OTOR: variants seen among roughly 807,000 people sequenced by gnomAD.
The protein encoded by OTOR is fibrocyte-derived protein.
In OTOR, 20 loss-of-function variants were observed where a neutral mutation model predicts 15.9. The ratio of observed to expected loss-of-function variants is 1.26; its 90% CI spans 0.89 to 1.83. The LOEUF is 1.83. OTOR is among the 40% of genes most tolerant of loss of function. The probability of loss-of-function intolerance (pLI) is 0.00; values close to 1 mark genes in which losing one functional copy is unlikely to be tolerated. For missense variants in OTOR, 184 were observed against 159.0 expected, an observed-to-expected ratio of 1.16 and a Z score of -0.85; for synonymous variants, 53 against 54.2, an observed-to-expected ratio of 0.98 and a Z score of 0.09.
chr20:16,749,917 C>T lies in OTOR; in HGVS notation c.270C>T (p.Gly90=), dbSNP rs1170799179. 6 of 1,612,182 alleles carry T rather than the reference C, an allele frequency of 3.7e-6. No homozygotes were observed. The highest frequency in any genetic ancestry group is 5.1e-6 in the Non-Finnish European group (6 of 1,178,430). Residue 90 remains glycine, a synonymous_variant, in exon 3 of 4, where the codon GGC becomes GGT. Coordinates refer to ENST00000246081, the MANE Select transcript of OTOR (RefSeq NM_020157.4). Reference sequence around the variant, plus strand: ...TGGGCACTTAGGTTTATGGTGATGGCCAGGACGAGATGGGAGTCGTGGGTT... The same window carrying T: ...TGGGCACTTAGGTTTATGGTGATGGTCAGGACGAGATGGGAGTCGTGGGTT... The part of the protein sequence containing the change: ...EFWAGSVYGD[G]QDEMGVVGYF...
At chr20:16,748,667 C>T (rs2072508012) in intron 1 of OTOR, 151 bp downstream of exon 1, 1 of 697,850 alleles carries the variant, frequency 1.4e-6, no homozygotes, top group Non-Finnish European at 2.4e-6. Context: ...TGTTTGGTAT[C>T]TTACTACGGA....
At position 16,748,904 on chromosome 20, in the gene OTOR, T is replaced by C. The variant is rs377519748; in HGVS notation, c.153T>C (p.Asn51=). ...TGGCTAGTGCTCAAGAAGATTATAA[T>C]GCCCCGGACTGTAGATTCATTAACG... The part of the protein sequence containing the change: ...ISLASAQEDY[N]APDCRFINVK... The change falls in exon 2 of 4, where the codon AAT becomes AAC. Residue 51 remains asparagine (N), a synonymous_variant. Transcript: ENST00000246081. 1.8e-5 allele frequency: 29 copies of C among 1,603,086 alleles called. No homozygotes were observed. Among genetic ancestry groups the C allele is most frequent in the Non-Finnish European group, 2.4e-5 (28 of 1,176,200 alleles).
chr20:16,750,174 T>C (rs1159511135), intron 3 of OTOR, among the ~76,000 whole-genome samples, 164 bp downstream of exon 3: 1 of 152,236 alleles, frequency 6.6e-6, no homozygotes, highest in Non-Finnish European at 1.5e-5. Context: ...TTATAACTAC[T>C]GTCAAAGTTG....
chr20:16,751,964 C>T lies in OTOR; in HGVS notation c.*846C>T, dbSNP rs2072531236. On this transcript the variant is annotated 3_prime_UTR_variant, in exon 4 of 4. Coordinates refer to ENST00000246081, the MANE Select transcript of OTOR (RefSeq NM_020157.4). ...CTATTTCAACTTTGAATTTCCTCTT[C>T]CTGTGCAAATTCCTCTAGTCAAGTG... 6.6e-6 allele frequency: 1 copy of T among 151,954 alleles called. No individual in the cohort carries two copies. Among genetic ancestry groups the T allele is most frequent in the African/African-American group, 2.4e-5 (1 of 41,404 alleles). The allele number at this position is 151,954 out of a possible 1,614,324, so 9.4% of individuals were successfully genotyped here. A position where few individuals can be genotyped will look rare whatever the true frequency, so the allele number is the denominator to read the frequency against.
Position 16,748,925 on chromosome 20 carries a change from T to C in OTOR, c.174T>C (p.Ile58=), listed in dbSNP as rs1223391150. 6.2e-7 allele frequency: 1 copy of C among 1,611,854 alleles called. No homozygotes were observed. Among genetic ancestry groups the C allele is most frequent in the Middle Eastern group, 1.7e-4 (1 of 6,052 alleles). Residue 58 remains isoleucine, a synonymous_variant, in exon 2 of 4, where the codon ATT becomes ATC. Coordinates refer to ENST00000246081, the MANE Select transcript of OTOR (RefSeq NM_020157.4). Reference sequence around the variant, plus strand: ...ATAATGCCCCGGACTGTAGATTCATTAACGTTAAAAAAGGGCAGCAGATCT... The same window carrying C: ...ATAATGCCCCGGACTGTAGATTCATCAACGTTAAAAAAGGGCAGCAGATCT... ...EDYNAPDCRF[I]NVKKGQQIYV... is the part of the protein sequence containing the mutation.
chr20:16,749,774 T>A, intron 2 of OTOR, 129 bp from the exon 3 acceptor site: 1 of 654,586 alleles, frequency 1.5e-6, no homozygotes, highest in South Asian at 1.9e-5. Flanking sequence ...CAGCGCCCCC[T>A]GGACCCCGGA....
At position 16,751,269 on chromosome 20, in the gene OTOR, A is replaced by G; in HGVS notation, c.*151A>G. The G allele has an allele frequency of 1.7e-6, 1 of 577,890 alleles. No individual in the cohort carries two copies. The highest frequency in any genetic ancestry group is 3.1e-5 in the East Asian group (1 of 31,798). 35.8% of individuals were successfully genotyped at this position (577,890 alleles called of 1,614,324 possible). On this transcript the variant is annotated 3_prime_UTR_variant, in exon 4 of 4. Transcript: ENST00000246081. Reference sequence around the variant, plus strand: ...CAAGGGCTTAGGGGTTGGAGGTGGCAGATAAAAGAGGATTTTCAACTCAAA... The same window carrying G: ...CAAGGGCTTAGGGGTTGGAGGTGGCGGATAAAAGAGGATTTTCAACTCAAA...
rs1313060772 is a variant in OTOR, at chr20:16,749,811, AT to A, written c.256-90del. 4 of 846,614 alleles carry A rather than the reference AT, an allele frequency of 4.7e-6. No homozygotes were observed. The African/African-American group carries it at 6.7e-5, about 14-fold the overall frequency. 52.4% of individuals were successfully genotyped at this position (846,614 alleles called of 1,614,324 possible). A position where few individuals can be genotyped will look rare whatever the true frequency, so the allele number is the denominator to read the frequency against. On this transcript the variant is annotated intron_variant, in intron 2 of 3. Coordinates refer to ENST00000246081, the MANE Select transcript of OTOR (RefSeq NM_020157.4). ...TGAAAGGGAGGTATTGGCAGCTATG[AT>A]TCTCACTATCAGCAAAGAGGACGCC...
In OTOR at chr20:16,751,113, G is replaced by T. The variant is rs139391263; in HGVS notation, c.382G>T (p.Glu128Ter). The change falls in exon 4 of 4, where the codon GAG (glutamate) becomes TAG (stop). Residue 128 changes from glutamate (E) to a stop codon, truncating the protein, a stop_gained. Transcript: ENST00000246081. LOFTEE classifies it high-confidence loss of function. ...TTTCCAGGATATTGACTTCTTCTGC[G>T]AGTAATAAATTAGTTAAAACTGCAA... ...VPTTDIDFFC[E>*] 1 of 1,539,558 alleles carries T rather than the reference G, an allele frequency of 6.5e-7. No homozygotes were observed.
At position 16,748,384 on chromosome 20, in the gene OTOR, A is replaced by T; in HGVS notation, c.-18A>T. ...CCCGCTTCCAGTCAGAGTTCAAGTT[A>T]AAACAGAAAAAAGGAAGATGGCAAG... On this transcript the variant is annotated 5_prime_UTR_variant, in exon 1 of 4. Transcript: ENST00000246081. 1 of 1,549,524 alleles carries T rather than the reference A, an allele frequency of 6.5e-7. No homozygotes were observed. The highest frequency in any genetic ancestry group is 8.9e-7 in the Non-Finnish European group (1 of 1,121,216).
chr20:16,751,185 A>G lies in OTOR; in HGVS notation c.*67A>G. ...TAAAGAAAAGAGCAAAAGTGGCCAAAAAATGCATGTCTGTAATTTTGGACT... is the reference window on the plus strand; with the variant it reads ...TAAAGAAAAGAGCAAAAGTGGCCAAGAAATGCATGTCTGTAATTTTGGACT... On this transcript the variant is annotated 3_prime_UTR_variant, in exon 4 of 4. Transcript: ENST00000246081. 3.7e-6 allele frequency: 4 copies of G among 1,089,214 alleles called. No homozygotes were observed. Among genetic ancestry groups the G allele is most frequent in the Non-Finnish European group, 5.3e-6 (4 of 750,156 alleles). The allele number at this position is 1,089,214 out of a possible 1,614,324, so 67.5% of individuals were successfully genotyped here.
intron 2 of OTOR, 61 bp downstream of exon 2, chr20:16,749,067 C>T (rs1294840836): frequency 1.6e-6 from 2 of 1,258,198 alleles, no homozygotes; most frequent in Non-Finnish European, 2.2e-6. Context: ...GATTACCTAC[C>T]TTCAACCTAT....
rs1472222088 is a variant in OTOR, at chr20:16,748,464, A to T, written c.63A>T (p.Ile21=). 6.2e-7 allele frequency: 1 copy of T among 1,613,758 alleles called. No individual in the cohort carries two copies. The highest frequency in any genetic ancestry group is 8.5e-7 in the Non-Finnish European group (1 of 1,179,650). Reference sequence around the variant, plus strand: ...TGGCTGTATGTGCTGTGCATGGAATATTTATGGACCGTCTAGCTTCCAAGA... The same window carrying T: ...TGGCTGTATGTGCTGTGCATGGAATTTTTATGGACCGTCTAGCTTCCAAGA... The part of the protein sequence containing the change: ...GLVAVCAVHG[I]FMDRLASKKL... The change falls in exon 1 of 4, where the codon ATA becomes ATT. Residue 21 remains isoleucine (I), a synonymous_variant. Transcript: ENST00000246081.
chr20:16,748,617 C>T (rs6080387), intron 1 of OTOR, 101 bp downstream of exon 1: 318,818 of 785,404 alleles, frequency 0.41, 66,886 homozygotes, highest in Admixed American at 0.54. Flanking sequence ...TGAATCTTCT[C>T]CAATGTGTAT....
rs150118718 is a variant in OTOR at position 16,748,910 on chromosome 20, G to A, written c.159G>A (p.Pro53=). The A allele has an allele frequency of 1.9e-5, 31 of 1,609,424 alleles. No homozygotes were observed. Among genetic ancestry groups the A allele is most frequent in the Non-Finnish European group, 2.3e-5 (27 of 1,177,676 alleles). Residue 53 remains proline, a synonymous_variant, in exon 2 of 4, where the codon CCG becomes CCA. Coordinates refer to ENST00000246081, the MANE Select transcript of OTOR (RefSeq NM_020157.4). ...LASAQEDYNA[P]DCRFINVKKG... ...GTGCTCAAGAAGATTATAATGCCCCGGACTGTAGATTCATTAACGTTAAAA... is the reference window on the plus strand; with the variant it reads ...GTGCTCAAGAAGATTATAATGCCCCAGACTGTAGATTCATTAACGTTAAAA...
chr20:16,748,767 C>T, intron 1 of OTOR, 100 bp from the exon 2 acceptor site: 2 of 897,682 alleles, frequency 2.2e-6, no homozygotes, highest in Non-Finnish European at 3.2e-6. Context: ...TGGGAATTAT[C>T]AGTCACTCTG....
Position 16,748,867 on chromosome 20 carries a change from A to T in OTOR, c.116A>T (p.Tyr39Phe). Reference protein sequence around the residue: ...KKLCADDECVYTISLASAQED... With the variant: ...KKLCADDECVFTISLASAQED... ...ATCATTTAAATTTTTTTTCTTCCAG[A>T]TACTATTTCTCTGGCTAGTGCTCAA... Residue 39 changes from tyrosine to phenylalanine, a missense_variant and splice_region_variant, in exon 2 of 4, where the codon TAT (tyrosine) becomes TTT (phenylalanine). Transcript: ENST00000246081. 6.4e-7 allele frequency: 1 copy of T among 1,569,284 alleles called. No individual in the cohort carries two copies. Among genetic ancestry groups the T allele is most frequent in the Non-Finnish European group, 8.6e-7 (1 of 1,166,158 alleles).
At chr20:16,749,688 A>G in intron 2 of OTOR, 3 of 517,034 alleles carry the variant, frequency 5.8e-6, no homozygotes, top group South Asian at 3.1e-5. Flanking sequence ...TAGCGAAATA[A>G]GACTGGGCCA....
chr20:16,749,213 A>G, intron 2 of OTOR: 1 of 385,534 alleles, frequency 2.6e-6, no homozygotes, highest in Non-Finnish European at 4.5e-6. Context: ...GGTTAATGTG[A>G]TATTTTGGTA....
Sources: gnomAD v4.1 joint callset for allele counts (sites outside exome capture counted in the v4.1 genomes callset) on GRCh38, gnomAD v4.1.1 for gene constraint, MANE v1.5 for transcripts, NCBI Gene and HGNC (gene_info 2026-07-23, HGNC 2026-07-21) for gene names.